NGFR: variants seen among roughly 807,000 people sequenced by gnomAD.
NGFR encodes nerve growth factor receptor.
A neutral mutation model predicts 43.2 loss-of-function variants in NGFR; 30 were observed. The observed-to-expected ratio is 0.69, with a 90% CI of 0.52 to 0.94. The LOEUF (loss-of-function observed/expected upper bound fraction) is 0.94, where lower values mean the gene tolerates loss of function less well. Ranked by LOEUF, NGFR falls within the 40% of genes least tolerant of loss-of-function variation. The probability of loss-of-function intolerance (pLI) is 0.00; values close to 1 mark genes in which losing one functional copy is unlikely to be tolerated. For synonymous variants in NGFR, 246 were observed against 259.6 expected (o/e 0.95, Z 0.50); for missense variants, 529 against 602.5 (o/e 0.88, Z 1.28).
intron 3 of NGFR, among the ~76,000 whole-genome samples, chr17:49,510,149 T>C (rs2071221999): frequency 6.6e-6 from 1 of 151,942 alleles, no homozygotes; most frequent in South Asian, 2.1e-4. Context: ...AATAAGGAAA[T>C]CAAGGTTCTG....
At position 49,506,523 on chromosome 17, in the gene NGFR, G is replaced by A. The variant is rs770527312; in HGVS notation, c.433G>A (p.Val145Met). Reference sequence around the variant, plus strand: ...CTCCTGCCAGGACAAGCAGAACACCGTGTGCGAGGAGTGCCCCGACGGCAC... The same window carrying A: ...CTCCTGCCAGGACAAGCAGAACACCATGTGCGAGGAGTGCCCCGACGGCAC... ...VFSCQDKQNT[V>M]CEECPDGTYS... The change falls in exon 3 of 6, where the codon GTG becomes ATG. Residue 145 changes from valine (V) to methionine (M), a missense_variant. Transcript: ENST00000172229. The A allele has an allele frequency of 6.8e-6, 11 of 1,611,742 alleles. No individual in the cohort carries two copies. The highest frequency in any genetic ancestry group is 5.3e-5 in the African/African-American group (4 of 74,872).
chr17:49,500,984 A>T (rs186724226), intron 1 of NGFR, among the ~76,000 whole-genome samples: 26 of 152,134 alleles, frequency 1.7e-4, no homozygotes, highest in Non-Finnish European at 3.1e-4. Flanking sequence ...TGGTCCCACG[A>T]CCCCAAAGCC....
At chr17:49,501,521 C>T (rs2071166829) in intron 1 of NGFR, among the ~76,000 whole-genome samples, 1 of 152,208 alleles carries the variant, frequency 6.6e-6, no homozygotes, top group Non-Finnish European at 1.5e-5. Context: ...TGGACATCTT[C>T]CATTTATTAT....
Position 49,511,880 on chromosome 17 carries a change from C to T in NGFR, c.822-12C>T. On this transcript the variant is annotated splice_polypyrimidine_tract_variant and intron_variant, in intron 4 of 5. Coordinates refer to ENST00000172229, the MANE Select transcript of NGFR (RefSeq NM_002507.4). ...CTCGCCCCCTGAAACCTGGCCTGTC[C>T]TCTGGCTCCAGGTGGAACAGCTGCA... 6.3e-7 allele frequency: 1 copy of T among 1,595,294 alleles called. No homozygotes were observed. The highest frequency in any genetic ancestry group is 8.5e-7 in the Non-Finnish European group (1 of 1,170,360).
chr17:49,512,651 A>G lies in NGFR; in HGVS notation c.983-57A>G. Reference sequence around the variant, plus strand: ...CTTCTTGGGTCTCACCCCAGTGCCCACTGTTGGGGAAAGGAGTTCAGGGGT... The same window carrying G: ...CTTCTTGGGTCTCACCCCAGTGCCCGCTGTTGGGGAAAGGAGTTCAGGGGT... On this transcript the variant is annotated intron_variant, in intron 5 of 5. Coordinates refer to ENST00000172229, the MANE Select transcript of NGFR (RefSeq NM_002507.4). This position sits in a 1 kb window ranked among gnomAD's most constrained non-coding sequence, Gnocchi z 5.2. The G allele has an allele frequency of 2.6e-6, 4 of 1,518,562 alleles. No homozygotes were observed. The highest frequency in any genetic ancestry group is 2.1e-5 in the Admixed American group (1 of 47,518). 94.1% of individuals were successfully genotyped at this position (1,518,562 alleles called of 1,614,324 possible). A position where few individuals can be genotyped will look rare whatever the true frequency, so the allele number is the denominator to read the frequency against.
intron 2 of NGFR, 102 bp from the exon 3 acceptor site, chr17:49,506,197 A>T (rs1452509190): frequency 6.7e-7 from 1 of 1,489,182 alleles, no homozygotes; most frequent in Non-Finnish European, 8.9e-7. Flanking sequence ...TGAAGGAGGA[A>T]GTCAGCGTCC....
Position 49,506,604 on chromosome 17 carries a change from G to A in NGFR, c.514G>A (p.Asp172Asn). Residue 172 changes from aspartate (D) to asparagine (N), a missense_variant, in exon 3 of 6, where the codon GAC (aspartate) becomes AAC (asparagine). Asp to Asn is a conservative substitution (Grantham distance 23). Coordinates refer to ENST00000172229, the MANE Select transcript of NGFR (RefSeq NM_002507.4). ...GTGCCTGCCCTGCACCGTGTGCGAG[G>A]ACACCGAGCGCCAGCTCCGCGAGTG... ...DPCLPCTVCE[D>N]TERQLRECTR... 6.2e-7 allele frequency: 1 copy of A among 1,603,982 alleles called. No homozygotes were observed.
chr17:49,510,527 G>A lies in NGFR; in HGVS notation c.684G>A (p.Val228=), dbSNP rs761060542. ...AACAAGACCTCATAGCCAGCACGGT[G>A]GCAGGTGTGGTGACCACAGTGATGG... ...PPEQDLIAST[V]AGVVTTVMGS... is the part of the protein sequence containing the mutation. The change falls in exon 4 of 6, where the codon GTG becomes GTA. Residue 228 remains valine, a synonymous_variant. Coordinates refer to ENST00000172229, the MANE Select transcript of NGFR (RefSeq NM_002507.4). 3 of 1,614,128 alleles carry A rather than the reference G, an allele frequency of 1.9e-6. No homozygotes were observed. The highest frequency in any genetic ancestry group is 1.1e-5 in the South Asian group (1 of 91,084).
chr17:49,502,056 C>A lies in NGFR; in HGVS notation c.67-7C>A. 6.7e-7 allele frequency: 1 copy of A among 1,502,930 alleles called. No individual in the cohort carries two copies. Among genetic ancestry groups the A allele is most frequent in the Non-Finnish European group, 9.1e-7 (1 of 1,104,392 alleles). The allele number at this position is 1,502,930 out of a possible 1,614,324, so 93.1% of individuals were successfully genotyped here. A position where few individuals can be genotyped will look rare whatever the true frequency, so the allele number is the denominator to read the frequency against. ...CCAGTCTGACCCTCCGATCTCCCTC[C>A]ATCCAGGTGTCCCTTGGAGGTGCCA... is the stretch of plus-strand genomic sequence containing the variant. On this transcript the variant is annotated splice_region_variant and splice_polypyrimidine_tract_variant and intron_variant, in intron 1 of 5. Transcript: ENST00000172229.
intron 1 of NGFR, chr17:49,496,934 T>C (rs1597858325): frequency 6.6e-6 from 1 of 152,094 alleles, no homozygotes; most frequent in South Asian, 2.1e-4. Flanking sequence ...GGAGGAGGCG[T>C]CTTCACTCTC....
intron 1 of NGFR, 64 bp from the exon 2 acceptor site, chr17:49,501,999 A>AGGGGGGGCCCCCCCCC: frequency 6.0e-6 from 2 of 330,982 alleles, no homozygotes; most frequent in East Asian, 6.4e-5. Context: ...TCCCCGGAAG[A>AGGGGGGGCCCCCCCCC]ACCCCCCCCA....
At position 49,495,760 on chromosome 17, in the gene NGFR, T is replaced by A; in HGVS notation, c.66+277T>A. 1 of 370,548 alleles carries A rather than the reference T, an allele frequency of 2.7e-6. No individual in the cohort carries two copies. 23.0% of individuals were successfully genotyped at this position (370,548 alleles called of 1,614,324 possible). A position where few individuals can be genotyped will look rare whatever the true frequency, so the allele number is the denominator to read the frequency against. On this transcript the variant is annotated intron_variant, in intron 1 of 5. Transcript: ENST00000172229. This position sits in a 1 kb window ranked among gnomAD's most constrained non-coding sequence, Gnocchi z 6.4. ...CGGTGGGGGAGCTGGGAGGGGTCTT[T>A]CAAGAGGGGGCATGGGGCTCTCCGA...
intron 1 of NGFR, among the ~76,000 whole-genome samples, chr17:49,501,188 C>T (rs944000171): frequency 7.9e-5 from 12 of 152,356 alleles, no homozygotes; most frequent in African/African-American, 2.4e-4. Flanking sequence ...AGGAACCTGA[C>T]TCCCCTTTCC....
Position 49,495,668 on chromosome 17 carries a change from G to C in NGFR, c.66+185G>C, listed in dbSNP as rs949783276. ...TCTAGGGTTCCCGGAGCGCAGAGGC[G>C]ACTCTCCAGGGTGGAGATGAGGGCA... On this transcript the variant is annotated intron_variant, in intron 1 of 5. Transcript: ENST00000172229. This position sits in a 1 kb window ranked among gnomAD's most constrained non-coding sequence, Gnocchi z 6.4. 37 of 488,808 alleles carry C rather than the reference G, an allele frequency of 7.6e-5. No individual in the cohort carries two copies. Among genetic ancestry groups the C allele is most frequent in the African/African-American group, 7.4e-4 (37 of 50,246 alleles). 30.3% of individuals were successfully genotyped at this position (488,808 alleles called of 1,614,324 possible).
At chr17:49,497,393 A>G (rs575791) in intron 1 of NGFR, 84,754 of 152,242 alleles carry the variant, frequency 0.56, 24,336 homozygotes, top group African/African-American at 0.69. Context: ...GGGCGAGCGT[A>G]GACCAGGAGA....
intron 2 of NGFR, 55 bp downstream of exon 2, chr17:49,502,259 G>T: frequency 6.5e-7 from 1 of 1,533,554 alleles, no homozygotes; most frequent in East Asian, 2.3e-5. Context: ...GGAGGAGAGG[G>T]GTGAAAGGGA....
At chr17:49,500,976 G>C (rs1363705642) in intron 1 of NGFR, among the ~76,000 whole-genome samples, 1 of 152,184 alleles carries the variant, frequency 6.6e-6, no homozygotes, top group Non-Finnish European at 1.5e-5. Flanking sequence ...CTTCCCTCTG[G>C]TCCCACGACC....
intron 2 of NGFR, chr17:49,506,031 C>G: frequency 1.9e-6 from 1 of 518,058 alleles, no homozygotes; most frequent in Non-Finnish European, 3.3e-6. Flanking sequence ...GCGGCACCAG[C>G]TGGGTTATGC....
In NGFR at chr17:49,512,138, CG is replaced by C. The variant is rs932045527; in HGVS notation, c.982+93del. On this transcript the variant is annotated intron_variant, in intron 5 of 5. Transcript: ENST00000172229. The surrounding 1 kb of genome is among the most constrained non-coding windows in gnomAD (Gnocchi z 5.2). Reference sequence around the variant, plus strand: ...AAGATTAGACTCCAGGAAGGACTGTCGGGGGGGCGGCAGGGCTGGCTCAGCG... The same window carrying C: ...AAGATTAGACTCCAGGAAGGACTGTCGGGGGGCGGCAGGGCTGGCTCAGCG... 9 of 1,479,368 alleles carry C rather than the reference CG, an allele frequency of 6.1e-6. No homozygotes were observed. Among genetic ancestry groups the C allele is most frequent in the African/African-American group, 4.2e-5 (3 of 71,378 alleles). 91.6% of individuals were successfully genotyped at this position (1,479,368 alleles called of 1,614,324 possible).
Sources: allele counts gnomAD v4.1 joint callset (sites outside exome capture counted in the v4.1 genomes callset), GRCh38; gene constraint gnomAD v4.1.1; non-coding constraint Gnocchi (gnomAD v3.1); transcripts MANE v1.5; gene names NCBI Gene and HGNC (gene_info 2026-07-23, HGNC 2026-07-21).